The following SLTM variants were observed in gnomAD, a reference collection of about 807,000 sequenced individuals.
SLTM encodes the protein SAFB-like transcription modulator.
In SLTM, 43 loss-of-function variants were observed where a neutral mutation model predicts 134.6. That is an observed-to-expected ratio of 0.32 (90% CI 0.25 to 0.41). The LOEUF (loss-of-function observed/expected upper bound fraction) is 0.41. Among genes scored for constraint, SLTM ranks in the 10% least tolerant of loss-of-function variants. The pLI is 1.00. For synonymous variants in SLTM, 424 were observed against 432.3 expected (o/e 0.98, Z 0.24); for missense variants, 1,055 against 1,288.8 (o/e 0.82, Z 2.78).
intron 2 of SLTM, among the ~76,000 whole-genome samples, chr15:58,924,441 G>T (rs1473920550): frequency 6.6e-6 from 1 of 152,172 alleles, no homozygotes; most frequent in African/African-American, 2.4e-5. Context: ...ACAATTTTCA[G>T]ATTTTAGAAG....
At chr15:58,930,282 T>G (rs1256712762) in intron 2 of SLTM, among the ~76,000 whole-genome samples, 1 of 1,378 alleles carries the variant, frequency 7.3e-4, no homozygotes, top group South Asian at 0.056. Flanking sequence ...TGCCCAGCTA[T>G]TTTTTTTTTT....
At position 58,903,521 on chromosome 15, in the gene SLTM, G is replaced by A. The variant is rs2035636787; in HGVS notation, c.562-2234C>T. 2.8e-5 allele frequency among the ~76,000 whole-genome samples: 4 copies of A among 142,634 alleles called. No homozygotes were observed. In the Admixed American group the frequency reaches 2.9e-4, roughly 10 times the overall value. 93.6% of individuals were successfully genotyped at this position (142,634 alleles called of 152,430 possible). A position where few individuals can be genotyped will look rare whatever the true frequency, so the allele number is the denominator to read the frequency against. On this transcript the variant is annotated intron_variant, in intron 5 of 20. Transcript: ENST00000380516. Reference sequence around the variant, plus strand: ...GATTTTGATTCAGAAGGTCTGGAATGAGGCTTAAGAATGTGCATCTGACGG... The same window carrying A: ...GATTTTGATTCAGAAGGTCTGGAATAAGGCTTAAGAATGTGCATCTGACGG...
In SLTM at chr15:58,879,974, T is replaced by C; in HGVS notation, c.*25A>G. On this transcript the variant is annotated 3_prime_UTR_variant, in exon 21 of 21. Transcript: ENST00000380516. ...TACAGGAGATTTCAATAAATTATCT[T>C]AAAACCTTGGCAGAGAGCTCATTTT... 6.2e-7 allele frequency: 1 copy of C among 1,610,546 alleles called. No individual in the cohort carries two copies. Among genetic ancestry groups the C allele is most frequent in the Non-Finnish European group, 8.5e-7 (1 of 1,178,118 alleles).
chr15:58,928,054 A>G (rs1432899947), intron 2 of SLTM, among the ~76,000 whole-genome samples: 1 of 152,230 alleles, frequency 6.6e-6, no homozygotes, highest in Non-Finnish European at 1.5e-5. Flanking sequence ...TTGTTTCTAT[A>G]GAAGAAAAAT....
intron 19 of SLTM, among the ~76,000 whole-genome samples, chr15:58,885,612 C>T (rs1031731952): frequency 2.6e-5 from 4 of 151,948 alleles, no homozygotes; most frequent in African/African-American, 4.8e-5. Flanking sequence ...GGTGAAACCC[C>T]GCCTCTACTA....
At chr15:58,889,027 A>C (rs1458106965) in intron 16 of SLTM, 2 of 193,496 alleles carry the variant, frequency 1.0e-5, no homozygotes, top group Admixed American at 5.3e-5. Flanking sequence ...AAGAAGATTA[A>C]ATGGGCATAC....
chr15:58,882,610 A>G (rs925430468), intron 20 of SLTM, among the ~76,000 whole-genome samples: 1 of 152,244 alleles, frequency 6.6e-6, no homozygotes, highest in Non-Finnish European at 1.5e-5. Flanking sequence ...TCAAGAGAAA[A>G]GTCATCGGTG....
intron 3 of SLTM, among the ~76,000 whole-genome samples, chr15:58,914,268 T>C (rs945984284): frequency 2.0e-5 from 3 of 152,222 alleles, no homozygotes; most frequent in Non-Finnish European, 4.4e-5. Context: ...TATATGGTAC[T>C]TCAGTGAAAA....
chr15:58,899,109 T>G lies in SLTM; in HGVS notation c.1059-257A>C, dbSNP rs995985137. ...GGCCATCTTCTCCAGATTTCAGGAC[T>G]GGGACTTGACTTCATTTTGTGTTCT... is the stretch of plus-strand genomic sequence containing the variant. On this transcript the variant is annotated intron_variant, in intron 7 of 20. Transcript: ENST00000380516. The surrounding 1 kb of genome is among the most constrained non-coding windows in gnomAD (Gnocchi z 5.0). 6.7e-6 allele frequency: 3 copies of G among 445,386 alleles called. No individual in the cohort carries two copies. Among genetic ancestry groups the G allele is most frequent in the African/African-American group, 2.1e-5 (1 of 48,480 alleles). 27.6% of individuals were successfully genotyped at this position (445,386 alleles called of 1,614,324 possible).
chr15:58,920,927 C>A (rs1305135795), intron 2 of SLTM, among the ~76,000 whole-genome samples: 2 of 151,862 alleles, frequency 1.3e-5, no homozygotes, highest in African/African-American at 4.8e-5. Flanking sequence ...TGCACTCTAG[C>A]CTTGGCAACA....
At chr15:58,894,243 G>C (rs747458190) in intron 10 of SLTM, 50 bp from the exon 11 acceptor site, 9 of 1,495,420 alleles carry the variant, frequency 6.0e-6, no homozygotes, top group Non-Finnish European at 7.3e-6. Context: ...TTACATTTTT[G>C]TGATTATAAG....
Position 58,885,345 on chromosome 15 carries a change from CATT to C in SLTM, c.2836-1562_2836-1560del, listed in dbSNP as rs1200184722. The stretch of plus-strand genomic sequence containing the variant: ...ACTGGCAGAACAATTTACAGACTAA[CATT>C]ATGAAAAAGAAAATTTTCAAGGGAG... On this transcript the variant is annotated intron_variant, in intron 19 of 20. Coordinates refer to ENST00000380516, the MANE Select transcript of SLTM (RefSeq NM_024755.4). Among the ~76,000 whole-genome samples the C allele has an allele frequency of 2.0e-5, 3 of 152,186 alleles. No individual in the cohort carries two copies. The East Asian group carries it at 5.8e-4, about 29-fold the overall frequency.
chr15:58,906,698 C>A (rs74017307), intron 5 of SLTM, among the ~76,000 whole-genome samples: 9 of 152,110 alleles, frequency 5.9e-5, no homozygotes, highest in African/African-American at 2.2e-4. Flanking sequence ...ACTTACCTAT[C>A]GGGGAATATG....
chr15:58,913,103 G>A (rs1209725730), intron 4 of SLTM, among the ~76,000 whole-genome samples: 1 of 152,160 alleles, frequency 6.6e-6, no homozygotes, highest in East Asian at 1.9e-4. Flanking sequence ...ACCAAGTAAT[G>A]TTGGCAATGC....
chr15:58,930,997 C>T (rs1381415662), intron 2 of SLTM, among the ~76,000 whole-genome samples: 1 of 151,994 alleles, frequency 6.6e-6, no homozygotes, highest in South Asian at 2.1e-4. Flanking sequence ...ATACACAGTA[C>T]CTGTCAAACT....
chr15:58,884,380 G>A (rs1376402304), intron 19 of SLTM, among the ~76,000 whole-genome samples: 2 of 151,992 alleles, frequency 1.3e-5, no homozygotes, highest in East Asian at 1.9e-4. Context: ...ATGCAGTGGC[G>A]CGATCTCGGC....
At chr15:58,887,680 T>C in intron 17 of SLTM, 140 bp from the exon 18 acceptor site, 1 of 1,425,674 alleles carries the variant, frequency 7.0e-7, no homozygotes. Flanking sequence ...AGCTAGTTAT[T>C]GATTATTACA....
chr15:58,903,047 G>T (rs375484456), intron 5 of SLTM, among the ~76,000 whole-genome samples: 119 of 152,166 alleles, frequency 7.8e-4, no homozygotes, highest in African/African-American at 2.5e-3. Context: ...GACTACAGGC[G>T]TGTGCCACTA....
intron 5 of SLTM, among the ~76,000 whole-genome samples, chr15:58,907,130 AAG>A (rs1338948409): frequency 6.6e-6 from 1 of 151,130 alleles, no homozygotes; most frequent in African/African-American, 2.4e-5. Context: ...CACTACATAA[AAG>A]AGAGAGATGA....
Sources: gnomAD v4.1 joint callset for allele counts (sites outside exome capture counted in the v4.1 genomes callset) on GRCh38, gnomAD v4.1.1 for gene constraint, Gnocchi (gnomAD v3.1) non-coding constraint, MANE v1.5 for transcripts, NCBI Gene and HGNC (gene_info 2026-07-23, HGNC 2026-07-21) for gene names.